Variants in HSP90AB1 observed in about 807,000 individuals in gnomAD.
HSP90AB1 encodes heat shock protein HSP 90-beta.
A neutral mutation model predicts 67.8 loss-of-function variants in HSP90AB1; 17 were observed. That is an observed-to-expected ratio of 0.25 (90% CI 0.17 to 0.38). HSP90AB1 has a LOEUF of 0.38. Ranked by LOEUF, HSP90AB1 falls within the 10% of genes least tolerant of loss-of-function variation. HSP90AB1 has a pLI of 1.00. For synonymous variants in HSP90AB1, 390 were observed against 312.9 expected, an observed-to-expected ratio of 1.25 and a Z score of -2.60; for missense variants, 690 against 899.9, an observed-to-expected ratio of 0.77 and a Z score of 2.98.
intron 6 of HSP90AB1, 92 bp from the exon 7 acceptor site, chr6:44,250,956 A>G: frequency 8.8e-7 from 1 of 1,133,616 alleles, no homozygotes; most frequent in Non-Finnish European, 1.3e-6. Context: ...CCTTAGGCTT[A>G]GGGAGGATCA....
intron 4 of HSP90AB1, 57 bp from the exon 5 acceptor site, chr6:44,249,964 T>G: frequency 6.2e-7 from 1 of 1,603,090 alleles, no homozygotes; most frequent in African/African-American, 1.3e-5. Context: ...TACTAATTGC[T>G]GGTCTCAACT....
intron 1 of HSP90AB1, among the ~76,000 whole-genome samples, chr6:44,248,271 G>A (rs1015215885): frequency 2.0e-5 from 3 of 152,196 alleles, no homozygotes; most frequent in Non-Finnish European, 2.9e-5. Flanking sequence ...ATTTAAATTT[G>A]TGTAAGGATT....
rs770806233 is a variant in HSP90AB1, at chr6:44,253,594, ATTAGG to A, written c.*2_*6del. 17 of 1,612,702 alleles carry A rather than the reference ATTAGG, an allele frequency of 1.1e-5. No individual in the cohort carries two copies. The highest frequency in any genetic ancestry group is 5.3e-5 in the African/African-American group (4 of 74,986). On this transcript the variant is annotated stop_retained_variant and 3_prime_UTR_variant, in exon 12 of 12. Transcript: ENST00000371646. ...GATGCGTCTCGCATGGAAGAAGTCG[ATTAGG>A]TTAGGAGTTCATAGTTGGAAAACTT...
intron 10 of HSP90AB1, 89 bp from the exon 11 acceptor site, chr6:44,252,953 ACCT>A: frequency 9.4e-7 from 1 of 1,068,856 alleles, no homozygotes; most frequent in South Asian, 1.4e-5. Context: ...TGGTCTGTCC[ACCT>A]CCTCCCCCTG....
intron 2 of HSP90AB1, among the ~76,000 whole-genome samples, chr6:44,249,050 A>T (rs1437209274): frequency 6.6e-6 from 1 of 152,232 alleles, no homozygotes; most frequent in Non-Finnish European, 1.5e-5. Context: ...TTCTTTGAAG[A>T]TACGGGCTTT....
Position 44,249,450 on chromosome 6 carries a change from A to G in HSP90AB1, c.221A>G (p.Asp74Gly), listed in dbSNP as rs776401249. The change falls in exon 3 of 12, where the codon GAC (aspartate) becomes GGC (glycine). Residue 74 changes from aspartate to glycine, a missense_variant. Around this residue, in one of 7 missense-constraint regions of HSP90AB1, gnomAD observed 88 missense variants for 167.7 expected, o/e 0.52. Coordinates refer to ENST00000371646, the MANE Select transcript of HSP90AB1 (RefSeq NM_007355.4). Reference protein sequence around the residue: ...KLDSGKELKIDIIPNPQERTL... With the variant: ...KLDSGKELKIGIIPNPQERTL... ...GACAGTGGTAAAGAGCTGAAAATTG[A>G]CATCATCCCCAACCCTCAGGAACGT... 3.7e-6 allele frequency: 6 copies of G among 1,613,912 alleles called. No homozygotes were observed. The African/African-American group carries it at 8.0e-5, about 22-fold the overall frequency.
chr6:44,248,888 T>G, intron 2 of HSP90AB1, 112 bp downstream of exon 2: 2 of 931,816 alleles, frequency 2.1e-6, no homozygotes, highest in Non-Finnish European at 1.7e-6. Flanking sequence ...GGGGTAAACT[T>G]GCAGCTATTC....
chr6:44,250,136 C>T lies in HSP90AB1; in HGVS notation c.630C>T (p.Gly210=), dbSNP rs952318805. The T allele has an allele frequency of 2.8e-5, 46 of 1,614,054 alleles. No individual in the cohort carries two copies. Among genetic ancestry groups the T allele is most frequent in the Non-Finnish European group, 3.8e-5 (45 of 1,180,034 alleles). The change falls in exon 5 of 12, where the codon GGC becomes GGT. Residue 210 remains glycine (G), a synonymous_variant. Transcript: ENST00000371646. ...EVVKKHSQFI[G]YPITLYLEKE... ...TGAAGAAGCATTCTCAGTTCATAGG[C>T]TATCCCATCACCCTTTATGTGAGTA...
At chr6:44,248,602 T>C in intron 1 of HSP90AB1, 28 bp from the exon 2 acceptor site, 1 of 1,597,882 alleles carries the variant, frequency 6.3e-7, no homozygotes, top group Non-Finnish European at 8.5e-7. Context: ...TTAGTGTTCT[T>C]TTGTAATTAA....
intron 1 of HSP90AB1, among the ~76,000 whole-genome samples, 169 bp downstream of exon 1, chr6:44,247,364 C>T (rs1280350272): frequency 2.0e-5 from 3 of 151,300 alleles, no homozygotes; most frequent in Admixed American, 6.6e-5. Flanking sequence ...TTTTTGAGTC[C>T]TCCTCGGTTT....
At position 44,250,095 on chromosome 6, in the gene HSP90AB1, C is replaced by T. The variant is rs890448181; in HGVS notation, c.589C>T (p.Arg197Trp). ...EDQTEYLEER[R>W]VKEVVKKHSQ... ...TCAGACAGAGTACCTAGAAGAGAGG[C>T]GGGTCAAAGAAGTAGTGAAGAAGCA... Residue 197 changes from arginine (R) to tryptophan (W), a missense_variant, in exon 5 of 12, where the codon CGG becomes TGG. Transcript: ENST00000371646. The T allele has an allele frequency of 3.7e-6, 6 of 1,614,046 alleles. No individual in the cohort carries two copies. The highest frequency in any genetic ancestry group is 2.2e-5 in the East Asian group (1 of 44,878).
rs946070642 is a variant in HSP90AB1 at position 44,250,986 on chromosome 6, T to C, written c.958-62T>C. On this transcript the variant is annotated intron_variant, in intron 6 of 11. Coordinates refer to ENST00000371646, the MANE Select transcript of HSP90AB1 (RefSeq NM_007355.4). Reference sequence around the variant, plus strand: ...GGATCATTGTTCCACTTTTAGATAATTTGGTGTTGGGGCTAAAAGGTCCTC... The same window carrying C: ...GGATCATTGTTCCACTTTTAGATAACTTGGTGTTGGGGCTAAAAGGTCCTC... 3 of 1,376,962 alleles carry C rather than the reference T, an allele frequency of 2.2e-6. No individual in the cohort carries two copies. In the South Asian group the frequency reaches 3.5e-5, roughly 16 times the overall value. 85.3% of individuals were successfully genotyped at this position (1,376,962 alleles called of 1,614,324 possible).
In HSP90AB1 at chr6:44,250,053, C is replaced by T; in HGVS notation, c.547C>T (p.Leu183Phe). The part of the protein sequence containing the change: ...EPIGRGTKVI[L>F]HLKEDQTEYL... ...CATTGGCAGGGGTACCAAAGTGATCCTCCATCTTAAAGAAGATCAGACAGA... is the reference window on the plus strand; with the variant it reads ...CATTGGCAGGGGTACCAAAGTGATCTTCCATCTTAAAGAAGATCAGACAGA... The change falls in exon 5 of 12, where the codon CTC (leucine) becomes TTC (phenylalanine). Residue 183 changes from leucine (L) to phenylalanine (F), a missense_variant. Physicochemically the swap from Leu to Phe is conservative, Grantham distance 22 (BLOSUM62 0). Coordinates refer to ENST00000371646, the MANE Select transcript of HSP90AB1 (RefSeq NM_007355.4). 1 of 1,614,044 alleles carries T rather than the reference C, an allele frequency of 6.2e-7. No individual in the cohort carries two copies. The highest frequency in any genetic ancestry group is 8.5e-7 in the Non-Finnish European group (1 of 1,179,902).
rs764639551 is a variant in HSP90AB1 at position 44,249,337 on chromosome 6, C to T, written c.148-40C>T. ...CTTGGGCAACAGAGCAAGAGTCTGT[C>T]TTGGAAAGAGCAAAAGTAAGTTGCT... On this transcript the variant is annotated intron_variant, in intron 2 of 11. Coordinates refer to ENST00000371646, the MANE Select transcript of HSP90AB1 (RefSeq NM_007355.4). 1.8e-5 allele frequency: 27 copies of T among 1,531,938 alleles called. 1 individual carries two copies. The highest frequency in any genetic ancestry group is 3.4e-5 in the South Asian group (3 of 89,374). The allele number at this position is 1,531,938 out of a possible 1,614,324, so 94.9% of individuals were successfully genotyped here. A position where few individuals can be genotyped will look rare whatever the true frequency, so the allele number is the denominator to read the frequency against.
chr6:44,253,324 G>A lies in HSP90AB1; in HGVS notation c.2011G>A (p.Glu671Lys), dbSNP rs1780962020. 1 of 1,614,096 alleles carries A rather than the reference G, an allele frequency of 6.2e-7. No homozygotes were observed. The highest frequency in any genetic ancestry group is 8.5e-7 in the Non-Finnish European group (1 of 1,180,052). The change falls in exon 11 of 12, where the codon GAG becomes AAG. Residue 671 changes from glutamate to lysine, a missense_variant. By Grantham distance (56) the Glu-to-Lys change is moderately conservative. Around this residue, in one of 7 missense-constraint regions of HSP90AB1, gnomAD observed 120 missense variants for 153.5 expected, o/e 0.78. Transcript: ENST00000371646. Reference protein sequence around the residue: ...TALLSSGFSLEDPQTHSNRIY... With the variant: ...TALLSSGFSLKDPQTHSNRIY... Reference sequence around the variant, plus strand: ...CCTGCTATCTTCTGGCTTTTCCCTTGAGGATCCCCAGACCCACTCCAACCG... The same window carrying A: ...CCTGCTATCTTCTGGCTTTTCCCTTAAGGATCCCCAGACCCACTCCAACCG...
At chr6:44,246,868 A>C (rs1326584336), upstream of HSP90AB1, among the ~76,000 whole-genome samples, 1 of 152,124 alleles carries the variant, frequency 6.6e-6, no homozygotes, top group African/African-American at 2.4e-5. Context: ...CTCTTGATGG[A>C]GTCATGTCCT....
upstream of HSP90AB1, among the ~76,000 whole-genome samples, chr6:44,246,886 A>G (rs542382894): frequency 1.3e-3 from 203 of 152,300 alleles, 1 homozygote; most frequent in Admixed American, 2.5e-3. Flanking sequence ...CCTAGACGTG[A>G]AACTATGGGG....
chr6:44,251,952 G>A (rs757435684), intron 9 of HSP90AB1, 47 bp from the exon 10 acceptor site: 1 of 1,613,370 alleles, frequency 6.2e-7, no homozygotes, highest in Non-Finnish European at 8.5e-7. Context: ...CTGGGAACTG[G>A]CAGTATGAGG....
chr6:44,250,645 G>A, intron 6 of HSP90AB1, 46 bp downstream of exon 6: 1 of 1,067,708 alleles, frequency 9.4e-7, no homozygotes, highest in Non-Finnish European at 1.4e-6. Flanking sequence ...CATATGGAGA[G>A]GAATGAGTTA....
Sources: allele counts gnomAD v4.1 joint callset (sites outside exome capture counted in the v4.1 genomes callset), GRCh38; gene constraint gnomAD v4.1.1; regional missense constraint gnomAD v4.1.1; transcripts MANE v1.5; gene names NCBI Gene and HGNC (gene_info 2026-07-23, HGNC 2026-07-21).